EFTUD2: variants seen among roughly 807,000 people sequenced by gnomAD.
EFTUD2 encodes elongation factor Tu GTP binding domain containing 2.
Under a neutral mutation model 114.3 loss-of-function variants are expected in EFTUD2, and 9 were observed. That is an observed-to-expected ratio of 0.08 (90% confidence interval 0.05 to 0.14). The LOEUF is 0.14. EFTUD2 is among the 10% of genes least tolerant of loss of function. The pLI, the probability that EFTUD2 is intolerant of heterozygous loss-of-function variation, is 1.00. For missense variants in EFTUD2, 765 were observed against 1,241.2 expected (o/e 0.62, Z 5.76); for synonymous variants, 449 against 462.3 (o/e 0.97, Z 0.37).
At chr17:44,881,213 G>A (rs2051066890) in intron 7 of EFTUD2, among the ~76,000 whole-genome samples, 1 of 152,126 alleles carries the variant, frequency 6.6e-6, no homozygotes, top group South Asian at 2.1e-4. Flanking sequence ...GAAACAGAAG[G>A]GGTCAGAGAT....
rs1417694585 is a variant in EFTUD2 at position 44,872,555 on chromosome 17, A to G, written c.885T>C (p.Asp295=). 1 of 1,611,302 alleles carries G rather than the reference A, an allele frequency of 6.2e-7. No individual in the cohort carries two copies. The highest frequency in any genetic ancestry group is 1.3e-5 in the African/African-American group (1 of 74,978). Residue 295 remains aspartate (D), a synonymous_variant, in exon 11 of 28, where the codon GAT becomes GAC. Coordinates refer to ENST00000426333, the MANE Select transcript of EFTUD2 (RefSeq NM_004247.4). The part of the protein sequence containing the change: ...VNGLISMYST[D]ENLILSPLLG... ...GGAGTGGGGAAAGGATCAGGTTCTC[A>G]TCAGTGGAATACATGCTGAAACAGA...
intron 11 of EFTUD2, 26 bp downstream of exon 11, chr17:44,872,420 G>T: frequency 6.2e-7 from 1 of 1,609,424 alleles, no homozygotes; most frequent in South Asian, 1.1e-5. Context: ...GGAAGCTGGT[G>T]AGACAGACTG....
At chr17:44,864,353 C>T (rs1007842563) in intron 14 of EFTUD2, among the ~76,000 whole-genome samples, 5 of 152,134 alleles carry the variant, frequency 3.3e-5, no homozygotes, top group Admixed American at 2.6e-4. Flanking sequence ...TAATTCCCAC[C>T]GGACTTAGAA....
At chr17:44,859,222 C>T (rs755298497) in intron 18 of EFTUD2, 41 bp from the exon 19 acceptor site, 3 of 1,418,188 alleles carry the variant, frequency 2.1e-6, no homozygotes, top group Non-Finnish European at 3.0e-6. Context: ...TTCTCTTATG[C>T]CAGCAAAGGC....
At position 44,865,114 on chromosome 17, in the gene EFTUD2, G is replaced by T. The variant is rs770447769; in HGVS notation, c.1150-49C>A. ...TCAGCTGTAGTGAGAGCCTGAGCAT[G>T]GTGCTAGAGGGAGACAAGGGAAGTC... On this transcript the variant is annotated intron_variant, in intron 13 of 27. Coordinates refer to ENST00000426333, the MANE Select transcript of EFTUD2 (RefSeq NM_004247.4). 3 of 1,599,178 alleles carry T rather than the reference G, an allele frequency of 1.9e-6. No homozygotes were observed. In the South Asian group the frequency reaches 3.3e-5, roughly 18 times the overall value.
intron 9 of EFTUD2, among the ~76,000 whole-genome samples, chr17:44,878,295 G>A (rs995677972): frequency 1.3e-5 from 2 of 152,174 alleles, no homozygotes; most frequent in East Asian, 3.8e-4. Flanking sequence ...GCTTAATCAC[G>A]AGGAAGTATT....
intron 5 of EFTUD2, 51 bp from the exon 6 acceptor site, chr17:44,883,209 T>A (rs1597819525): frequency 6.4e-7 from 1 of 1,573,292 alleles, no homozygotes; most frequent in African/African-American, 1.3e-5. Context: ...GAAAATTTAC[T>A]GTGCCCTTCC....
intron 4 of EFTUD2, chr17:44,883,927 G>C (rs2051118522): frequency 3.4e-6 from 2 of 590,086 alleles, no homozygotes; most frequent in Non-Finnish European, 6.1e-6. Flanking sequence ...CACAATCTGT[G>C]AATGGACTAT....
intron 17 of EFTUD2, 33 bp downstream of exon 17, chr17:44,860,399 A>G: frequency 6.0e-6 from 9 of 1,504,124 alleles, no homozygotes; most frequent in Non-Finnish European, 8.3e-6. Flanking sequence ...ATCTAGCTTA[A>G]GCCAACCCAG....
In EFTUD2 at chr17:44,868,289, C is replaced by T; in HGVS notation, c.1056G>A (p.Lys352=). 6.2e-7 allele frequency: 1 copy of T among 1,613,832 alleles called. No individual in the cohort carries two copies. Among genetic ancestry groups the T allele is most frequent in the Non-Finnish European group, 8.5e-7 (1 of 1,179,880 alleles). Residue 352 remains lysine (K), a splice_region_variant and synonymous_variant, in exon 12 of 28, where the codon AAG becomes AAA. Coordinates refer to ENST00000426333, the MANE Select transcript of EFTUD2 (RefSeq NM_004247.4). ...GTCACGTCCCATACTCTACTTACGTCTTAGGGTTGAAGTAGATGTCACCCC... is the reference window on the plus strand; with the variant it reads ...GTCACGTCCCATACTCTACTTACGTTTTAGGGTTGAAGTAGATGTCACCCC... ...RLWGDIYFNP[K]TRKFTKKAPT...
chr17:44,894,313 T>G, intron 2 of EFTUD2, 104 bp downstream of exon 2: 25 of 919,222 alleles, frequency 2.7e-5, no homozygotes, highest in East Asian at 5.0e-5. Context: ...GAGGTTGCAG[T>G]GAGCTGAGAT....
intron 14 of EFTUD2, among the ~76,000 whole-genome samples, 164 bp downstream of exon 14, chr17:44,864,766 G>C (rs1026462637): frequency 6.6e-6 from 1 of 152,154 alleles, no homozygotes; most frequent in Non-Finnish European, 1.5e-5. Flanking sequence ...CATCCACTAA[G>C]GAAAGCAGCT....
At chr17:44,866,938 T>C (rs2050756821) in intron 13 of EFTUD2, among the ~76,000 whole-genome samples, 1 of 152,088 alleles carries the variant, frequency 6.6e-6, no homozygotes, top group Non-Finnish European at 1.5e-5. Flanking sequence ...ACCCTGTCTC[T>C]ACACAAAATT....
In EFTUD2 at chr17:44,872,506, A is replaced by G. The variant is rs750738424; in HGVS notation, c.934T>C (p.Ser312Pro). 1 of 1,613,510 alleles carries G rather than the reference A, an allele frequency of 6.2e-7. No individual in the cohort carries two copies. Among genetic ancestry groups the G allele is most frequent in the South Asian group, 1.1e-5 (1 of 91,072 alleles). The change falls in exon 11 of 28, where the codon TCC becomes CCC. Residue 312 changes from serine (S) to proline (P), a missense_variant. Transcript: ENST00000426333. Reference sequence around the variant, plus strand: ...AGCGTGAAGCAGATGCTGTACTGGGAGCTGGAGAAGCAGACGTTACCCAGG... The same window carrying G: ...AGCGTGAAGCAGATGCTGTACTGGGGGCTGGAGAAGCAGACGTTACCCAGG... Reference protein sequence around the residue: ...PLLGNVCFSSSQYSICFTLGS... With the variant: ...PLLGNVCFSSPQYSICFTLGS...
intron 25 of EFTUD2, 104 bp from the exon 26 acceptor site, chr17:44,852,666 AC>A: frequency 7.3e-7 from 1 of 1,362,066 alleles, no homozygotes; most frequent in Non-Finnish European, 1.0e-6. Context: ...GCCCAGAGTT[AC>A]CATCAAAGAA....
At chr17:44,853,793 A>G (rs981326612) in intron 23 of EFTUD2, 158 bp from the exon 24 acceptor site, 1 of 1,460,928 alleles carries the variant, frequency 6.8e-7, no homozygotes, top group Non-Finnish European at 9.1e-7. Flanking sequence ...CTGAATAAGC[A>G]AGGCCCATGG....
chr17:44,870,141 G>A (rs1157886142), intron 11 of EFTUD2, among the ~76,000 whole-genome samples: 1 of 152,060 alleles, frequency 6.6e-6, no homozygotes, highest in Non-Finnish European at 1.5e-5. Context: ...CCATGATAAC[G>A]CTGCTGCAGC....
At position 44,853,939 on chromosome 17, in the gene EFTUD2, T is replaced by C. The variant is rs1444221803; in HGVS notation, c.2348-304A>G. The stretch of plus-strand genomic sequence containing the variant: ...GGATGTAGAATAAATTCCAGAATTG[T>C]ACATTTGGTCCATGAAGCCCAATCA... On this transcript the variant is annotated intron_variant, in intron 23 of 27. Coordinates refer to ENST00000426333, the MANE Select transcript of EFTUD2 (RefSeq NM_004247.4). 31 of 1,359,984 alleles carry C rather than the reference T, an allele frequency of 2.3e-5. No individual in the cohort carries two copies. The Admixed American group carries it at 9.8e-4, about 43-fold the overall frequency. 84.2% of individuals were successfully genotyped at this position (1,359,984 alleles called of 1,614,324 possible). A position where few individuals can be genotyped will look rare whatever the true frequency, so the allele number is the denominator to read the frequency against.
chr17:44,858,431 G>A (rs982464735), intron 19 of EFTUD2, among the ~76,000 whole-genome samples: 1 of 151,972 alleles, frequency 6.6e-6, no homozygotes, highest in African/African-American at 2.4e-5. Context: ...TTGAGACAGG[G>A]TATGACTCCA....
Sources: allele counts gnomAD v4.1 joint callset (sites outside exome capture counted in the v4.1 genomes callset), GRCh38; gene constraint gnomAD v4.1.1; transcripts MANE v1.5; gene names NCBI Gene and HGNC (gene_info 2026-07-23, HGNC 2026-07-21).